The following PLPPR4 variants were observed in gnomAD, a reference collection of about 807,000 sequenced individuals.
The protein encoded by PLPPR4 is phospholipid phosphatase-related protein type 4.
A neutral mutation model predicts 56.6 loss-of-function variants in PLPPR4; 24 were observed. The ratio of observed to expected loss-of-function variants is 0.42; its 90% CI spans 0.31 to 0.60. The LOEUF is 0.60. Among genes scored for constraint, PLPPR4 ranks in the 20% least tolerant of loss-of-function variants. The probability of loss-of-function intolerance (pLI) is 0.13; values close to 1 mark genes in which losing one functional copy is unlikely to be tolerated. For missense variants in PLPPR4, 654 were observed against 885.8 expected (o/e 0.74, Z 3.32); for synonymous variants, 326 against 328.1 (o/e 0.99, Z 0.07).
chr1:99,290,166 A>G (rs1051287385), intron 2 of PLPPR4, among the ~76,000 whole-genome samples: 6 of 152,190 alleles, frequency 3.9e-5, no homozygotes, highest in Admixed American at 3.9e-4. Context: ...GCTGAGAGCC[A>G]AATCAAAAAA....
chr1:99,303,458 A>C (rs747549438), intron 6 of PLPPR4, among the ~76,000 whole-genome samples: 3 of 152,182 alleles, frequency 2.0e-5, no homozygotes, highest in Non-Finnish European at 4.4e-5. Context: ...TGGAAGTACC[A>C]TTGTAGTTAC....
At chr1:99,274,974 T>A (rs1659148508) in intron 1 of PLPPR4, among the ~76,000 whole-genome samples, 1 of 152,192 alleles carries the variant, frequency 6.6e-6, no homozygotes, top group Non-Finnish European at 1.5e-5. Context: ...TCTTTGGGAA[T>A]GAGTCATCTC....
At chr1:99,300,725 T>C (rs1659866389) in intron 4 of PLPPR4, among the ~76,000 whole-genome samples, 184 bp from the exon 5 acceptor site, 1 of 152,086 alleles carries the variant, frequency 6.6e-6, no homozygotes, top group Non-Finnish European at 1.5e-5. Context: ...TTAATATTAA[T>C]GGTGATTAGC....
chr1:99,284,982 T>G (rs1168001208), intron 1 of PLPPR4, among the ~76,000 whole-genome samples: 3 of 152,120 alleles, frequency 2.0e-5, no homozygotes, highest in African/African-American at 7.2e-5. Context: ...AAAGAAGTAC[T>G]AGGGGATTAA....
intron 3 of PLPPR4, among the ~76,000 whole-genome samples, chr1:99,297,775 A>T (rs1333131266): frequency 2.0e-5 from 3 of 152,130 alleles, no homozygotes; most frequent in Non-Finnish European, 4.4e-5. Context: ...ACAGCTTAAC[A>T]GCATCGCAAA....
At chr1:99,292,907 C>T (rs1038033025) in intron 2 of PLPPR4, among the ~76,000 whole-genome samples, 2 of 152,136 alleles carry the variant, frequency 1.3e-5, no homozygotes, top group Non-Finnish European at 2.9e-5. Flanking sequence ...ACATATACAG[C>T]TATGCTAACT....
At position 99,307,736 on chromosome 1, in the gene PLPPR4, T is replaced by C. The variant is rs1660071332; in HGVS notation, c.*726T>C. 6.6e-6 allele frequency: 1 copy of C among 152,256 alleles called. No homozygotes were observed. Among genetic ancestry groups the C allele is most frequent in the African/African-American group, 2.4e-5 (1 of 41,472 alleles). The allele number at this position is 152,256 out of a possible 1,614,324, so 9.4% of individuals were successfully genotyped here. A position where few individuals can be genotyped will look rare whatever the true frequency, so the allele number is the denominator to read the frequency against. On this transcript the variant is annotated 3_prime_UTR_variant, in exon 7 of 7. Coordinates refer to ENST00000370185, the MANE Select transcript of PLPPR4 (RefSeq NM_014839.5). ...AGTGAAAGGGAATAACTAGTACTTT[T>C]CTGCATAGTTTTTCTTCTGCTTACT...
intron 6 of PLPPR4, among the ~76,000 whole-genome samples, chr1:99,303,049 T>C (rs1206131262): frequency 6.6e-6 from 1 of 152,106 alleles, no homozygotes; most frequent in Admixed American, 6.6e-5. Flanking sequence ...CAAAGTATTT[T>C]AGGAATAGCA....
intron 6 of PLPPR4, among the ~76,000 whole-genome samples, chr1:99,304,036 C>G (rs1193490128): frequency 6.6e-6 from 1 of 152,178 alleles, no homozygotes; most frequent in Non-Finnish European, 1.5e-5. Flanking sequence ...AGTTACACAG[C>G]TTTTCAGAAG....
chr1:99,307,248 T>C lies in PLPPR4; in HGVS notation c.*238T>C. 2 of 470,864 alleles carry C rather than the reference T, an allele frequency of 4.2e-6. No individual in the cohort carries two copies. Among genetic ancestry groups the C allele is most frequent in the Non-Finnish European group, 7.4e-6 (2 of 271,312 alleles). 29.2% of individuals were successfully genotyped at this position (470,864 alleles called of 1,614,324 possible). On this transcript the variant is annotated 3_prime_UTR_variant, in exon 7 of 7. Transcript: ENST00000370185. ...ATATGAAGAGTTTTCTTAAGACCTGTCGTCAAACTTAAAAGGTTTTGCAGA... is the reference window on the plus strand; with the variant it reads ...ATATGAAGAGTTTTCTTAAGACCTGCCGTCAAACTTAAAAGGTTTTGCAGA...
Position 99,305,967 on chromosome 1 carries a change from T to C in PLPPR4, c.1105T>C (p.Leu369=). 1 of 1,614,120 alleles carries C rather than the reference T, an allele frequency of 6.2e-7. No individual in the cohort carries two copies. Among genetic ancestry groups the C allele is most frequent in the Non-Finnish European group, 8.5e-7 (1 of 1,180,020 alleles). The part of the protein sequence containing the change: ...KENMVTFSNT[L]PRANTPSVED... ...GAACATGGTTACCTTCAGCAATACC[T>C]TGCCGCGAGCCAATACCCCATCTGT... is the stretch of plus-strand genomic sequence containing the variant. Residue 369 remains leucine (L), a synonymous_variant, in exon 7 of 7, where the codon TTG becomes CTG. Transcript: ENST00000370185.
intron 2 of PLPPR4, among the ~76,000 whole-genome samples, chr1:99,288,537 C>A (rs1165968764): frequency 6.6e-6 from 1 of 152,020 alleles, no homozygotes; most frequent in Non-Finnish European, 1.5e-5. Context: ...GCCAAAAGTG[C>A]ATTTGCTATC....
intron 3 of PLPPR4, 58 bp from the exon 4 acceptor site, chr1:99,298,977 A>G (rs1324159893): frequency 9.0e-7 from 1 of 1,116,270 alleles, no homozygotes; most frequent in South Asian, 1.2e-5. Flanking sequence ...TTTAATGAAT[A>G]TGTTTGATGC....
chr1:99,308,349 G>A lies in PLPPR4; in HGVS notation c.*1339G>A, dbSNP rs889159621. The A allele has an allele frequency of 1.3e-5, 2 of 152,094 alleles. No homozygotes were observed. Among genetic ancestry groups the A allele is most frequent in the African/African-American group, 4.8e-5 (2 of 41,408 alleles). The allele number at this position is 152,094 out of a possible 1,614,324, so 9.4% of individuals were successfully genotyped here. A position where few individuals can be genotyped will look rare whatever the true frequency, so the allele number is the denominator to read the frequency against. ...AATAGGTGCAGTTTTAGTTTAACATGCAAACAACCATTGTTGCTACCTATC... is the reference window on the plus strand; with the variant it reads ...AATAGGTGCAGTTTTAGTTTAACATACAAACAACCATTGTTGCTACCTATC... On this transcript the variant is annotated 3_prime_UTR_variant, in exon 7 of 7. Transcript: ENST00000370185.
At chr1:99,302,001 G>A (rs984391755) in intron 6 of PLPPR4, 104 bp downstream of exon 6, 1 of 730,566 alleles carries the variant, frequency 1.4e-6, no homozygotes, top group Admixed American at 3.2e-5. Flanking sequence ...TTATATAAAT[G>A]AGAAAATCTC....
Position 99,306,881 on chromosome 1 carries a change from T to C in PLPPR4, c.2019T>C (p.Ser673=). The change falls in exon 7 of 7, where the codon TCT becomes TCC. Residue 673 remains serine (S), a synonymous_variant. Coordinates refer to ENST00000370185, the MANE Select transcript of PLPPR4 (RefSeq NM_014839.5). This position sits in a 1 kb window ranked among gnomAD's most constrained non-coding sequence, Gnocchi z 4.0. ...TTGGCTCAGAGACGCTGTCCATTTC[T>C]TCTTCCCGCGACTCCACCCTGCGGA... ...SEIGSETLSI[S]SSRDSTLRRK... The C allele has an allele frequency of 1.2e-6, 2 of 1,614,128 alleles. No homozygotes were observed. The highest frequency in any genetic ancestry group is 1.1e-5 in the South Asian group (1 of 91,086).
At chr1:99,284,054 T>TA (rs1659403539) in intron 1 of PLPPR4, among the ~76,000 whole-genome samples, 4 of 152,192 alleles carry the variant, frequency 2.6e-5, no homozygotes, top group Admixed American at 2.6e-4. Flanking sequence ...TGTAGACTTT[T>TA]AAAAAATCTC....
intron 4 of PLPPR4, 36 bp downstream of exon 4, chr1:99,299,266 T>C (rs1249029266): frequency 6.8e-7 from 1 of 1,480,858 alleles, no homozygotes; most frequent in Non-Finnish European, 9.4e-7. Flanking sequence ...TGCATCATTG[T>C]TTTCATTATT....
At chr1:99,268,312 T>G (rs551959247) in intron 1 of PLPPR4, among the ~76,000 whole-genome samples, 2 of 152,316 alleles carry the variant, frequency 1.3e-5, no homozygotes, top group Admixed American at 6.5e-5. Context: ...CTCCCCACAT[T>G]GGCTCATCAG....
Sources: gnomAD v4.1 joint callset for allele counts (sites outside exome capture counted in the v4.1 genomes callset) on GRCh38, gnomAD v4.1.1 for gene constraint, Gnocchi (gnomAD v3.1) non-coding constraint, MANE v1.5 for transcripts, NCBI Gene and HGNC (gene_info 2026-07-23, HGNC 2026-07-21) for gene names.